DMD: variants seen among roughly 807,000 people sequenced by gnomAD.
The protein encoded by DMD is mutant dystrophin.
A neutral mutation model predicts 330.1 loss-of-function variants in DMD; 63 were observed. The observed-to-expected ratio is 0.19, with a 90% CI of 0.16 to 0.24. DMD has a LOEUF of 0.24. Among genes scored for constraint, DMD ranks in the 10% least tolerant of loss-of-function variants. The probability of loss-of-function intolerance (pLI) is 1.00; values close to 1 mark genes in which losing one functional copy is unlikely to be tolerated. For synonymous variants in DMD, 1,223 were observed against 959.8 expected, an observed-to-expected ratio of 1.27 and a Z score of -5.07; for missense variants, 3,344 against 2,684.1, an observed-to-expected ratio of 1.25 and a Z score of -5.43.
At chrX:32,847,685 G>A (rs1246775363) in intron 3 of DMD, among the ~76,000 whole-genome samples, 1 of 111,466 alleles carries the variant, frequency 9.0e-6, no homozygotes, top group Non-Finnish European at 1.9e-5. Flanking sequence ...AGCAGTATCT[G>A]AAATTATGTA....
intron 78 of DMD, among the ~76,000 whole-genome samples, chrX:31,124,940 T>A (rs975329756): frequency 1.8e-5 from 2 of 111,823 alleles, no homozygotes; most frequent in Non-Finnish European, 3.8e-5. Context: ...TATAATTTAA[T>A]CTCTGAAAAA....
chrX:33,270,492 C>T (rs1229251973), intron 1 of DMD, among the ~76,000 whole-genome samples: 2 of 111,258 alleles, frequency 1.8e-5, no homozygotes, highest in East Asian at 5.7e-4. Flanking sequence ...GTGGGTCCTT[C>T]TGCTTTTGCA....
intron 47 of DMD, among the ~76,000 whole-genome samples, chrX:31,879,212 G>GGGA (rs1457284561): frequency 4.9e-5 from 5 of 102,881 alleles, no homozygotes; most frequent in African/African-American, 1.7e-4. Context: ...TACATGGCGG[G>GGGA]GGGGGGCCTC....
chrX:33,232,661 G>A (rs946029179), intron 1 of DMD, among the ~76,000 whole-genome samples: 2 of 111,110 alleles, frequency 1.8e-5, no homozygotes, highest in South Asian at 7.6e-4. Context: ...GAGGCCGAGA[G>A]GGGCAGATCA....
chrX:31,153,467 C>CTTT (rs201174679), intron 74 of DMD, among the ~76,000 whole-genome samples: 1 of 104,750 alleles, frequency 9.5e-6, no homozygotes, highest in African/African-American at 3.5e-5. Context: ...GCCCCACTTA[C>CTTT]TTTTTTTTTT....
At chrX:31,804,087 G>A (rs754566384) in intron 50 of DMD, among the ~76,000 whole-genome samples, 2 of 110,989 alleles carry the variant, frequency 1.8e-5, no homozygotes, top group South Asian at 3.9e-4. Context: ...TTATCATAAC[G>A]CTGGTTAACT....
intron 44 of DMD, among the ~76,000 whole-genome samples, chrX:32,012,439 T>A (rs1474729313): frequency 8.9e-6 from 1 of 111,939 alleles, no homozygotes; most frequent in African/African-American, 3.2e-5. Flanking sequence ...CCTAGGTGTC[T>A]CCCTCATTTG....
chrX:32,182,609 G>A (rs982019204), intron 44 of DMD, among the ~76,000 whole-genome samples: 11 of 111,322 alleles, frequency 9.9e-5, no homozygotes, highest in African/African-American at 3.6e-4. Flanking sequence ...ATGTGTGTGC[G>A]TGTTTAAATT....
chrX:33,005,275 A>AACACACACACACACAC lies in DMD; in HGVS notation c.93+14848_93+14863dup, dbSNP rs376666672. 3.6e-4 allele frequency among the ~76,000 whole-genome samples: 37 copies of AACACACACACACACAC among 102,646 alleles called. No homozygotes were observed. The East Asian group carries it at 0.01, about 28-fold the overall frequency. The allele number at this position is 102,646 out of a possible 115,157, so 89.1% of individuals were successfully genotyped here. A position where few individuals can be genotyped will look rare whatever the true frequency, so the allele number is the denominator to read the frequency against. On this transcript the variant is annotated intron_variant, in intron 2 of 78. Transcript: ENST00000357033. ...AACTTTTGGACTTTACACACACACA[A>AACACACACACACACAC]ACACACACACACACACACACGCATA...
intron 9 of DMD, among the ~76,000 whole-genome samples, chrX:32,694,254 C>T (rs929644528): frequency 5.4e-5 from 6 of 111,412 alleles, no homozygotes; most frequent in African/African-American, 2.0e-4. Flanking sequence ...CTTATCCTGG[C>T]CGATGGATTT....
At chrX:31,832,210 T>C (rs896675955) in intron 49 of DMD, among the ~76,000 whole-genome samples, 1 of 112,414 alleles carries the variant, frequency 8.9e-6, no homozygotes, top group Admixed American at 9.4e-5. Flanking sequence ...TTATATTTAT[T>C]TCGGCAACAT....
At chrX:31,208,917 AAG>A (rs1335968270) in intron 65 of DMD, among the ~76,000 whole-genome samples, 1 of 111,833 alleles carries the variant, frequency 8.9e-6, no homozygotes, top group Non-Finnish European at 1.9e-5. Flanking sequence ...ATTGTTCTCT[AAG>A]AGAGAGTGAT....
At chrX:32,232,620 C>T (rs1458464045) in intron 43 of DMD, among the ~76,000 whole-genome samples, 2 of 111,897 alleles carry the variant, frequency 1.8e-5, no homozygotes, top group Non-Finnish European at 3.8e-5. Context: ...AAAAGTCGGG[C>T]CCCTTTTGCT....
At chrX:31,469,645 G>A (rs2067148425) in intron 59 of DMD, among the ~76,000 whole-genome samples, 1 of 111,187 alleles carries the variant, frequency 9.0e-6, no homozygotes, top group South Asian at 3.8e-4. Flanking sequence ...ATTATTATGT[G>A]TCTTGGGTTG....
chrX:32,795,042 C>T (rs1446992309), intron 7 of DMD, among the ~76,000 whole-genome samples: 1 of 111,922 alleles, frequency 8.9e-6, no homozygotes, highest in Non-Finnish European at 1.9e-5. Context: ...CCATGTTTAT[C>T]GGTCAGAAGA....
intron 52 of DMD, among the ~76,000 whole-genome samples, chrX:31,718,904 T>C (rs1288928164): frequency 2.7e-5 from 3 of 112,049 alleles, no homozygotes; most frequent in Non-Finnish European, 5.6e-5. Context: ...ATCCCAGTTT[T>C]ACAGATGAGA....
intron 54 of DMD, among the ~76,000 whole-genome samples, chrX:31,654,813 G>C (rs1488170513): frequency 9.0e-6 from 1 of 110,603 alleles, no homozygotes; most frequent in East Asian, 2.8e-4. Flanking sequence ...ACGGGTACCA[G>C]GATTAATACC....
At chrX:32,520,278 T>C (rs1030509786) in intron 17 of DMD, among the ~76,000 whole-genome samples, 2 of 112,257 alleles carry the variant, frequency 1.8e-5, no homozygotes, top group African/African-American at 6.5e-5. Context: ...TTTCACACTC[T>C]CTTCAGCGAT....
chrX:32,660,003 C>G (rs2060841610), intron 9 of DMD, among the ~76,000 whole-genome samples: 1 of 110,818 alleles, frequency 9.0e-6, no homozygotes. Flanking sequence ...AGTCCTCTAT[C>G]CTGTTGGCTG....
Sources: allele counts gnomAD v4.1 joint callset (sites outside exome capture counted in the v4.1 genomes callset), GRCh38; gene constraint gnomAD v4.1.1; transcripts MANE v1.5; gene names NCBI Gene and HGNC (gene_info 2026-07-23, HGNC 2026-07-21).